The following KLF8 variants were observed in gnomAD, a reference collection of about 807,000 sequenced individuals.
The protein encoded by KLF8 is KLF transcription factor 8.
KLF8 carries 10 observed loss-of-function variants against 18.2 expected under a neutral mutation model. That is an observed-to-expected ratio of 0.55 (90% CI 0.34 to 0.93). The LOEUF is 0.93. Ranked by LOEUF, KLF8 falls within the 40% of genes least tolerant of loss-of-function variation. The pLI, the probability that KLF8 is intolerant of heterozygous loss-of-function variation, is 0.02. For synonymous variants in KLF8, 109 were observed against 97.3 expected, an observed-to-expected ratio of 1.12 and a Z score of -0.71; for missense variants, 264 against 277.9, an observed-to-expected ratio of 0.95 and a Z score of 0.36.
the KLF8 span, among the ~76,000 whole-genome samples, chrX:56,195,813 T>A: frequency 3.6e-5 from 4 of 110,969 alleles, no homozygotes; most frequent in East Asian, 8.5e-4. Context: ...GAGGAAAAAG[T>A]TTTGAGGGCA....
chrX:56,184,725 G>A, the KLF8 span, among the ~76,000 whole-genome samples: 6 of 111,825 alleles, frequency 5.4e-5, no homozygotes, highest in Non-Finnish European at 9.4e-5. Flanking sequence ...ATGAAATTCC[G>A]CTGTTCTGCA....
the KLF8 span, among the ~76,000 whole-genome samples, chrX:56,138,553 C>G: frequency 9.0e-6 from 1 of 111,046 alleles, no homozygotes; most frequent in East Asian, 2.8e-4. Context: ...ATCAATGGAA[C>G]TAAAAACAAA....
the KLF8 span, among the ~76,000 whole-genome samples, chrX:56,158,502 T>C: frequency 3.6e-5 from 4 of 112,127 alleles, no homozygotes; most frequent in Non-Finnish European, 7.5e-5. Flanking sequence ...TTTCACAATA[T>C]TGATTCTTCC....
the KLF8 span, among the ~76,000 whole-genome samples, chrX:56,007,177 T>G: frequency 3.6e-5 from 4 of 111,609 alleles, no homozygotes; most frequent in African/African-American, 1.3e-4. Context: ...CTGGCTGCAT[T>G]TATGGGTCCA....
chrX:56,053,133 C>G, the KLF8 span, among the ~76,000 whole-genome samples: 11,174 of 111,821 alleles, frequency 0.1, 924 homozygotes, highest in African/African-American at 0.27. Context: ...GGCTTGCGCA[C>G]GGTGCCCGCA....
At chrX:56,189,085 C>T in the KLF8 span, among the ~76,000 whole-genome samples, 1 of 111,447 alleles carries the variant, frequency 9.0e-6, no homozygotes, top group African/African-American at 3.3e-5. Context: ...GAACAGGCAG[C>T]ATACAAAATG....
chrX:56,138,160 TA>T, the KLF8 span, among the ~76,000 whole-genome samples: 1 of 101,273 alleles, frequency 9.9e-6, no homozygotes, highest in African/African-American at 3.6e-5. Context: ...AACAGACCAA[TA>T]AAAAGCTTTG....
chrX:56,090,263 G>A, the KLF8 span, among the ~76,000 whole-genome samples: 1 of 111,992 alleles, frequency 8.9e-6, no homozygotes, highest in South Asian at 3.7e-4. Flanking sequence ...TAGAGCTACA[G>A]CAAACAGTCA....
chrX:56,208,092 A>T, the KLF8 span, among the ~76,000 whole-genome samples: 2 of 111,191 alleles, frequency 1.8e-5, no homozygotes, highest in Admixed American at 9.6e-5. Flanking sequence ...TGGCCCCATG[A>T]TTCAATTATA....
At chrX:55,987,143 G>C in the KLF8 span, among the ~76,000 whole-genome samples, 1 of 107,866 alleles carries the variant, frequency 9.3e-6, no homozygotes, top group Non-Finnish European at 1.9e-5. Context: ...ACCTAGTAAT[G>C]AGGCTGCTGG....
chrX:55,939,249 A>T, the KLF8 span, among the ~76,000 whole-genome samples: 1 of 111,934 alleles, frequency 8.9e-6, no homozygotes, highest in Non-Finnish European at 1.9e-5. Context: ...GTACATGGAA[A>T]CTGAACAACC....
At chrX:55,936,923 G>A in the KLF8 span, among the ~76,000 whole-genome samples, 5 of 112,276 alleles carry the variant, frequency 4.5e-5, no homozygotes, top group Admixed American at 4.7e-4. Context: ...GACCCTGCCT[G>A]CCTCTGTAAG....
the KLF8 span, among the ~76,000 whole-genome samples, chrX:56,072,150 A>T: frequency 8.9e-6 from 1 of 111,760 alleles, no homozygotes; most frequent in Non-Finnish European, 1.9e-5. Flanking sequence ...CGAGATTTTG[A>T]GTTAAATGTA....
intron 5 of KLF8, among the ~76,000 whole-genome samples, chrX:56,273,469 AC>A (rs1254261172): frequency 9.8e-6 from 1 of 102,559 alleles, no homozygotes; most frequent in Non-Finnish European, 2.0e-5. Context: ...CTGCCCCCCG[AC>A]CCACTGACAT....
intron 2 of KLF8, among the ~76,000 whole-genome samples, chrX:56,264,406 TATTGGTTTTTTAAACTAATAA>T (rs1475014104): frequency 4.3e-4 from 47 of 110,390 alleles, no homozygotes; most frequent in African/African-American, 1.3e-3. Context: ...TAAATGTATT[TATTGGTTTTTTAAACTAATAA>T]ATTGGTTTTT....
At chrX:56,087,200 A>T in the KLF8 span, among the ~76,000 whole-genome samples, 1 of 110,989 alleles carries the variant, frequency 9.0e-6, no homozygotes, top group African/African-American at 3.3e-5. Context: ...CATTCACCAG[A>T]TGTTTACTGC....
At chrX:56,056,525 C>G in the KLF8 span, among the ~76,000 whole-genome samples, 1 of 105,180 alleles carries the variant, frequency 9.5e-6, no homozygotes, top group African/African-American at 3.5e-5. Flanking sequence ...TGGAAACCAT[C>G]ATTCTCAGTA....
the KLF8 span, among the ~76,000 whole-genome samples, chrX:56,130,549 G>C: frequency 9.0e-6 from 1 of 111,286 alleles, no homozygotes; most frequent in African/African-American, 3.3e-5. Flanking sequence ...ACCCAAATGA[G>C]ATGGAACCAG....
chrX:55,937,998 C>T, the KLF8 span, among the ~76,000 whole-genome samples: 8 of 110,746 alleles, frequency 7.2e-5, no homozygotes, highest in South Asian at 2.3e-3. Context: ...GGCAGGCCAA[C>T]ATTCAAATTC....
Sources: allele counts gnomAD v4.1 joint callset (sites outside exome capture counted in the v4.1 genomes callset), GRCh38; gene constraint gnomAD v4.1.1; transcripts MANE v1.5; gene names NCBI Gene and HGNC (gene_info 2026-07-23, HGNC 2026-07-21).